The following NEMF variants were observed in gnomAD, a reference collection of about 807,000 sequenced individuals.
NEMF encodes the protein nuclear export mediator factor.
A neutral mutation model predicts 162.2 loss-of-function variants in NEMF; 89 were observed. The ratio of observed to expected loss-of-function variants is 0.55; its 90% confidence interval spans 0.46 to 0.65. The LOEUF (loss-of-function observed/expected upper bound fraction) is 0.65, where lower values mean the gene tolerates loss of function less well. Among genes scored for constraint, NEMF ranks in the 30% least tolerant of loss-of-function variants. The probability of loss-of-function intolerance (pLI) is 0.00; values close to 1 mark genes in which losing one functional copy is unlikely to be tolerated. For missense variants in NEMF, 1,133 were observed against 1,261.9 expected (o/e 0.90, Z 1.55); for synonymous variants, 421 against 404.5 (o/e 1.04, Z -0.49).
intron 29 of NEMF, chr14:49,785,713 C>T: frequency 5.4e-6 from 1 of 184,550 alleles, no homozygotes; most frequent in Non-Finnish European, 1.2e-5. Flanking sequence ...CATGGAGAAA[C>T]ACCATCTCTA....
At chr14:49,847,850 G>C (rs1893585735) in intron 3 of NEMF, among the ~76,000 whole-genome samples, 1 of 151,452 alleles carries the variant, frequency 6.6e-6, no homozygotes, top group African/African-American at 2.4e-5. Context: ...TGGCCAATAT[G>C]GTGAAACCCC....
chr14:49,800,813 GA>G, intron 22 of NEMF, 117 bp from the exon 23 acceptor site: 2 of 973,062 alleles, frequency 2.1e-6, no homozygotes, highest in Admixed American at 4.7e-5. Flanking sequence ...AAAATCAACA[GA>G]AAAGTGTCTG....
At chr14:49,810,066 A>C (rs1402145275) in intron 18 of NEMF, among the ~76,000 whole-genome samples, 1 of 151,192 alleles carries the variant, frequency 6.6e-6, no homozygotes, top group Non-Finnish European at 1.5e-5. Flanking sequence ...TGGTCGAAAA[A>C]AATGTCTATT....
chr14:49,800,962 G>C (rs980607088), intron 22 of NEMF: 1 of 359,064 alleles, frequency 2.8e-6, no homozygotes, highest in African/African-American at 2.1e-5. Context: ...CCACAACTCT[G>C]CCTTAGTTGG....
In NEMF at chr14:49,784,550, A is replaced by C. The variant is rs1051630837; in HGVS notation, c.*86T>G. On this transcript the variant is annotated 3_prime_UTR_variant, in exon 33 of 33. Coordinates refer to ENST00000298310, the MANE Select transcript of NEMF (RefSeq NM_004713.6). ...GTTTAGTTCATTTTTATAATGCGGA[A>C]ATCCTGATACATGGTGCTTTCATCT... 2.3e-5 allele frequency: 21 copies of C among 894,210 alleles called. No homozygotes were observed. In the African/African-American group the frequency reaches 3.3e-4, roughly 14 times the overall value. 55.4% of individuals were successfully genotyped at this position (894,210 alleles called of 1,614,324 possible). A position where few individuals can be genotyped will look rare whatever the true frequency, so the allele number is the denominator to read the frequency against.
chr14:49,831,739 A>T (rs766328654), intron 10 of NEMF, among the ~76,000 whole-genome samples: 6 of 152,174 alleles, frequency 3.9e-5, no homozygotes, highest in Non-Finnish European at 7.4e-5. Context: ...GCCCAGCTGC[A>T]TACACAGAAT....
intron 15 of NEMF, among the ~76,000 whole-genome samples, chr14:49,827,332 A>AC (rs1892405677): frequency 6.6e-6 from 1 of 151,930 alleles, no homozygotes. Context: ...GATTACAGGT[A>AC]CCCGCCATCA....
intron 3 of NEMF, among the ~76,000 whole-genome samples, chr14:49,849,403 G>C (rs144602623): frequency 6.6e-6 from 1 of 152,178 alleles, no homozygotes; most frequent in Non-Finnish European, 1.5e-5. Context: ...ACCTGCTGCT[G>C]TGTGCCACAA....
chr14:49,784,839 C>T (rs1338902221), intron 32 of NEMF, 86 bp downstream of exon 32: 5 of 1,410,108 alleles, frequency 3.5e-6, no homozygotes, highest in East Asian at 2.3e-5. Flanking sequence ...AATAAGACAG[C>T]ATTTTCTACT....
chr14:49,808,073 G>C (rs1284069672), intron 18 of NEMF, among the ~76,000 whole-genome samples: 1 of 151,858 alleles, frequency 6.6e-6, no homozygotes, highest in Non-Finnish European at 1.5e-5. Context: ...GGAATTCTTT[G>C]GACACTAGAC....
chr14:49,796,589 G>A (rs1312061970), intron 25 of NEMF, among the ~76,000 whole-genome samples: 3 of 152,186 alleles, frequency 2.0e-5, no homozygotes, highest in Non-Finnish European at 1.5e-5. Context: ...GACCTCAGGT[G>A]ATCTATTCGC....
intron 5 of NEMF, among the ~76,000 whole-genome samples, chr14:49,840,501 C>G (rs1893147289): frequency 6.6e-6 from 1 of 151,792 alleles, no homozygotes; most frequent in Non-Finnish European, 1.5e-5. Flanking sequence ...ATTTGCCTCT[C>G]CCAAATAAGA....
At chr14:49,827,692 A>G (rs1892429239) in intron 15 of NEMF, among the ~76,000 whole-genome samples, 2 of 152,158 alleles carry the variant, frequency 1.3e-5, no homozygotes, top group African/African-American at 4.8e-5. Flanking sequence ...GGGCGCCTGT[A>G]ATCCCAGCTA....
At chr14:49,810,408 G>A (rs989928824) in intron 18 of NEMF, among the ~76,000 whole-genome samples, 1 of 151,944 alleles carries the variant, frequency 6.6e-6, no homozygotes, top group African/African-American at 2.4e-5. Flanking sequence ...AAAAAAGAAA[G>A]AGGAAATTCT....
At position 49,793,709 on chromosome 14, in the gene NEMF, T is replaced by G. The variant is rs560615575; in HGVS notation, c.2619+2082A>C. Among the ~76,000 whole-genome samples the G allele has an allele frequency of 7.9e-5, 12 of 152,342 alleles. No homozygotes were observed. The South Asian group carries it at 2.5e-3, about 32-fold the overall frequency. ...TTTTTTTGCTACTACAAATATAAACTTCAACGTCCTCGTTGCGTACCCATA... is the reference window on the plus strand; with the variant it reads ...TTTTTTTGCTACTACAAATATAAACGTCAACGTCCTCGTTGCGTACCCATA... On this transcript the variant is annotated intron_variant, in intron 26 of 32. Coordinates refer to ENST00000298310, the MANE Select transcript of NEMF (RefSeq NM_004713.6).
chr14:49,826,357 T>C (rs1488365906), intron 15 of NEMF, among the ~76,000 whole-genome samples: 1 of 151,988 alleles, frequency 6.6e-6, no homozygotes, highest in Non-Finnish European at 1.5e-5. Context: ...ATTAATCATA[T>C]AATCCTTTAA....
chr14:49,802,314 A>G (rs186393686), intron 22 of NEMF, 139 bp downstream of exon 22: 1 of 828,298 alleles, frequency 1.2e-6, no homozygotes, highest in Non-Finnish European at 1.8e-6. Flanking sequence ...AAAATTCAGT[A>G]AAACAGCACG....
intron 6 of NEMF, among the ~76,000 whole-genome samples, chr14:49,837,839 A>T (rs1892983619): frequency 6.6e-6 from 1 of 151,976 alleles, no homozygotes; most frequent in African/African-American, 2.4e-5. Context: ...AAAAACCAAA[A>T]AAAAACTAAG....
intron 4 of NEMF, among the ~76,000 whole-genome samples, chr14:49,841,962 A>G (rs919634432): frequency 6.6e-6 from 1 of 151,552 alleles, no homozygotes; most frequent in African/African-American, 2.4e-5. Flanking sequence ...AAAATTAGCC[A>G]GGCATGGTGG....
Sources: gnomAD v4.1 joint callset for allele counts (sites outside exome capture counted in the v4.1 genomes callset) on GRCh38, gnomAD v4.1.1 for gene constraint, MANE v1.5 for transcripts, NCBI Gene and HGNC (gene_info 2026-07-23, HGNC 2026-07-21) for gene names.